Variants in TGIF1 observed in about 807,000 individuals in gnomAD.
TGIF1 encodes TGFB induced factor homeobox 1.
A neutral mutation model predicts 19.3 loss-of-function variants in TGIF1; 4 were observed. The ratio of observed to expected loss-of-function variants is 0.21; its 90% CI spans 0.10 to 0.47. The LOEUF (loss-of-function observed/expected upper bound fraction) is 0.47, where lower values mean the gene tolerates loss of function less well. TGIF1 is among the 20% of genes least tolerant of loss of function. The pLI, the probability that TGIF1 is intolerant of heterozygous loss-of-function variation, is 0.98. For missense variants in TGIF1, 275 were observed against 341.4 expected (o/e 0.81, Z 1.53); for synonymous variants, 122 against 129.3 (o/e 0.94, Z 0.38).
At chr18:3,417,238 C>T (rs149002369) in intron 1 of TGIF1, among the ~76,000 whole-genome samples, 1 of 152,138 alleles carries the variant, frequency 6.6e-6, no homozygotes, top group South Asian at 2.1e-4. Flanking sequence ...TAGCTCACTG[C>T]AACCTCCACT....
upstream of TGIF1, among the ~76,000 whole-genome samples, chr18:3,445,765 C>CAAA (rs755240649): frequency 7.8e-3 from 280 of 35,818 alleles, no homozygotes; most frequent in Middle Eastern, 0.028. Flanking sequence ...AGAAGAAAAG[C>CAAA]AAAAAAAAAA....
intron 1 of TGIF1, among the ~76,000 whole-genome samples, chr18:3,414,500 T>C (rs1436119147): frequency 6.6e-6 from 1 of 152,194 alleles, no homozygotes; most frequent in East Asian, 1.9e-4. Context: ...CTAGCCCCAG[T>C]TGGGTTGGTG....
intron 2 of TGIF1, among the ~76,000 whole-genome samples, chr18:3,428,928 C>T (rs928612975): frequency 1.3e-5 from 2 of 152,006 alleles, no homozygotes; most frequent in African/African-American, 2.4e-5. Flanking sequence ...CGGCGTGCCC[C>T]TGTAGTCCCA....
chr18:3,423,490 T>C (rs542521338), intron 2 of TGIF1, among the ~76,000 whole-genome samples: 3 of 151,982 alleles, frequency 2.0e-5, no homozygotes, highest in Non-Finnish European at 2.9e-5. Flanking sequence ...CCTTCCTGGC[T>C]AACACGGCGA....
At chr18:3,438,851 G>A (rs2082648468) in intron 2 of TGIF1, among the ~76,000 whole-genome samples, 1 of 152,068 alleles carries the variant, frequency 6.6e-6, no homozygotes, top group South Asian at 2.1e-4. Flanking sequence ...TCTGTGATTG[G>A]TCTAAAATAA....
At chr18:3,441,963 G>A (rs2082681679) in intron 2 of TGIF1, among the ~76,000 whole-genome samples, 1 of 152,156 alleles carries the variant, frequency 6.6e-6, no homozygotes, top group Non-Finnish European at 1.5e-5. Flanking sequence ...TTCCCCAGCT[G>A]CTGTGAGGTT....
intron 2 of TGIF1, among the ~76,000 whole-genome samples, chr18:3,445,146 C>T (rs895286040): frequency 6.6e-6 from 1 of 152,270 alleles, no homozygotes; most frequent in African/African-American, 2.4e-5. Context: ...ACGATGGCAG[C>T]GGGGCTACCT....
upstream of TGIF1, chr18:3,449,945 G>A (rs2082846441): frequency 8.1e-6 from 8 of 986,514 alleles, no homozygotes; most frequent in Non-Finnish European, 9.6e-6. Flanking sequence ...GGATGCGGGC[G>A]GTCCGTGCGC....
At chr18:3,448,712 GGTGTCTT>G (rs1382400902), upstream of TGIF1, 2 of 744,320 alleles carry the variant, frequency 2.7e-6, no homozygotes, top group Non-Finnish European at 3.1e-6. Flanking sequence ...TAGGGGCGGG[GGTGTCTT>G]TTTTTTTTTT....
At chr18:3,431,329 C>T (rs896678662) in intron 2 of TGIF1, among the ~76,000 whole-genome samples, 3 of 151,992 alleles carry the variant, frequency 2.0e-5, no homozygotes, top group Non-Finnish European at 4.4e-5. Flanking sequence ...TGCCGGTGAT[C>T]CCAACTGTTC....
intron 1 of TGIF1, among the ~76,000 whole-genome samples, chr18:3,454,434 T>C (rs977826193): frequency 6.6e-6 from 1 of 152,328 alleles, no homozygotes; most frequent in South Asian, 2.1e-4. Flanking sequence ...TTTTCAGACG[T>C]TGGAGAGTTT....
At chr18:3,447,298 A>C (rs2082760526), upstream of TGIF1, among the ~76,000 whole-genome samples, 1 of 151,992 alleles carries the variant, frequency 6.6e-6, no homozygotes, top group African/African-American at 2.4e-5. Flanking sequence ...CATTCATATG[A>C]ATCAGCAAAT....
chr18:3,423,550 G>C (rs760618824), intron 2 of TGIF1, among the ~76,000 whole-genome samples: 1 of 151,990 alleles, frequency 6.6e-6, no homozygotes, highest in African/African-American at 2.4e-5. Flanking sequence ...GCTTGGTGTC[G>C]GGCGCCTGTG....
upstream of TGIF1, chr18:3,448,189 C>G (rs2082782926): frequency 5.1e-6 from 5 of 985,002 alleles, no homozygotes; most frequent in Non-Finnish European, 6.0e-6. Context: ...TCCCCAGTAA[C>G]CGCCCGGTTC....
At chr18:3,433,047 C>T (rs1247214418) in intron 2 of TGIF1, among the ~76,000 whole-genome samples, 1 of 151,954 alleles carries the variant, frequency 6.6e-6, no homozygotes. Flanking sequence ...GCGTGAGCCA[C>T]TGCGCCTGGC....
intron 2 of TGIF1, among the ~76,000 whole-genome samples, chr18:3,425,586 A>G (rs548458414): frequency 2.0e-5 from 3 of 152,112 alleles, no homozygotes; most frequent in African/African-American, 7.2e-5. Context: ...CACCCAGACC[A>G]GTGACTCCTC....
chr18:3,447,861 C>T (rs540722587), upstream of TGIF1: 3 of 1,586,436 alleles, frequency 1.9e-6, no homozygotes, highest in East Asian at 4.5e-5. Context: ...TGTCTCCGCC[C>T]CTCCCCCCTT....
chr18:3,428,006 G>C (rs2082495972), intron 2 of TGIF1, among the ~76,000 whole-genome samples: 1 of 152,212 alleles, frequency 6.6e-6, no homozygotes, highest in Non-Finnish European at 1.5e-5. Flanking sequence ...GGCACTTTCA[G>C]GTGGCCCATG....
In TGIF1 at chr18:3,456,576, T is replaced by C. The variant is rs2049362521; in HGVS notation, c.239T>C (p.Leu80Pro). Residue 80 changes from leucine (L) to proline (P), a missense_variant, in exon 2 of 3, where the codon CTA (leucine) becomes CCA (proline). Transcript: ENST00000343820. The surrounding 1 kb of genome is among the most constrained non-coding windows in gnomAD (Gnocchi z 4.2). Reference protein sequence around the residue: ...LLSQQTHLSTLQVCNWFINAR... With the variant: ...LLSQQTHLSTPQVCNWFINAR... The stretch of plus-strand genomic sequence containing the variant: ...TCCCAGCAAACACACCTGTCTACGC[T>C]ACAGGTAAAGAAAGAGAGCGTGAGG... The C allele has an allele frequency of 6.2e-7, 1 of 1,613,306 alleles. No individual in the cohort carries two copies. The highest frequency in any genetic ancestry group is 8.5e-7 in the Non-Finnish European group (1 of 1,179,314).
Sources: gnomAD v4.1 joint callset for allele counts (sites outside exome capture counted in the v4.1 genomes callset) on GRCh38, gnomAD v4.1.1 for gene constraint, Gnocchi (gnomAD v3.1) non-coding constraint, MANE v1.5 for transcripts, NCBI Gene and HGNC (gene_info 2026-07-23, HGNC 2026-07-21) for gene names.